PCDHA4: variants seen among roughly 807,000 people sequenced by gnomAD.
PCDHA4 encodes protocadherin alpha 4.
In PCDHA4, 49 loss-of-function variants were observed where a neutral mutation model predicts 61.4. The ratio of observed to expected loss-of-function variants is 0.80; its 90% CI spans 0.63 to 1.01. PCDHA4 has a LOEUF of 1.01. PCDHA4 is among the 50% of genes least tolerant of loss of function. The pLI is 0.00. For synonymous variants in PCDHA4, 590 were observed against 550.3 expected, an observed-to-expected ratio of 1.07 and a Z score of -1.01; for missense variants, 1,254 against 1,235.8, an observed-to-expected ratio of 1.01 and a Z score of -0.22.
Position 140,847,092 on chromosome 5 carries a change from G to T in PCDHA4, c.2385+37520G>T, listed in dbSNP as rs1176748439. ...ATGACAAGTAGAAAAGTCCACTTTG[G>T]TTAAAACACACAGTCTGCAGAGAAT... On this transcript the variant is annotated intron_variant, in intron 1 of 3. Coordinates refer to ENST00000530339, the MANE Select transcript of PCDHA4 (RefSeq NM_018907.4). 2.7e-5 allele frequency among the ~76,000 whole-genome samples: 4 copies of T among 149,688 alleles called. 1 individual carries two copies. The highest frequency in any genetic ancestry group is 4.9e-5 in the African/African-American group (2 of 40,860).
rs782098088 is a variant in PCDHA4, at chr5:140,856,583, CT to C, written c.2385+47013del. On this transcript the variant is annotated intron_variant, in intron 1 of 3. Transcript: ENST00000530339. Reference sequence around the variant, plus strand: ...ACTCAGTCCAAATGAGTATTTTGTTCTTGATATTATAAACAAAAAAGACAAA... The same window carrying C: ...ACTCAGTCCAAATGAGTATTTTGTTCTGATATTATAAACAAAAAAGACAAA... The C allele has an allele frequency of 1.3e-6, 2 of 1,597,002 alleles. 1 individual carries two copies. Among genetic ancestry groups the C allele is most frequent in the African/African-American group, 2.7e-5 (2 of 74,388 alleles).
intron 1 of PCDHA4, chr5:140,969,438 C>G: frequency 6.5e-7 from 1 of 1,546,540 alleles, no homozygotes; most frequent in African/African-American, 1.4e-5. Flanking sequence ...CAAGAGTTAT[C>G]TGGTAAACTG....
intron 1 of PCDHA4, among the ~76,000 whole-genome samples, chr5:140,944,057 G>A (rs1394005045): frequency 1.3e-5 from 2 of 152,130 alleles, no homozygotes; most frequent in African/African-American, 4.8e-5. Context: ...GATACAAAAA[G>A]GTTTCTTGTT....
At chr5:140,904,443 A>G (rs1345999576) in intron 1 of PCDHA4, among the ~76,000 whole-genome samples, 8 of 151,082 alleles carry the variant, frequency 5.3e-5, no homozygotes, top group African/African-American at 1.5e-4. Flanking sequence ...GTATATTACA[A>G]TTTCTTTATA....
At chr5:140,877,789 A>G (rs2057339151) in intron 1 of PCDHA4, 1 of 1,613,954 alleles carries the variant, frequency 6.2e-7, no homozygotes, top group Non-Finnish European at 8.5e-7. Context: ...CATGGCCTTC[A>G]GCCCAAGCCT....
chr5:140,847,204 C>G (rs916100190), intron 1 of PCDHA4, among the ~76,000 whole-genome samples: 5 of 149,612 alleles, frequency 3.3e-5, no homozygotes, highest in African/African-American at 1.2e-4. Flanking sequence ...TTTGGCCACT[C>G]TTTAGAATTA....
rs2150139188 is a variant in PCDHA4, at chr5:140,825,385, TATATATCTA to T, written c.2385+15820_2385+15828del. 711 of 143,548 alleles carry T rather than the reference TATATATCTA, an allele frequency of 5.0e-3. 7 individuals are homozygous for T. Among genetic ancestry groups the T allele is most frequent in the African/African-American group, 0.018 (686 of 38,434 alleles). The allele number at this position is 143,548 out of a possible 1,614,324, so 8.9% of individuals were successfully genotyped here. Reference sequence around the variant, plus strand: ...ATATATAAATATCTAAAATATCTAATATATATCTAATATATTATATATTTTATATAATAT... The same window carrying T: ...ATATATAAATATCTAAAATATCTAATATATATTATATATTTTATATAATAT... On this transcript the variant is annotated intron_variant, in intron 1 of 3. Coordinates refer to ENST00000530339, the MANE Select transcript of PCDHA4 (RefSeq NM_018907.4).
chr5:140,877,914 A>AT (rs2057394520), intron 1 of PCDHA4: 3 of 1,426,804 alleles, frequency 2.1e-6, no homozygotes, highest in Non-Finnish European at 2.8e-6. Flanking sequence ...ACATTCTCTC[A>AT]TTTTTCTTTA....
At chr5:140,836,148 C>T (rs1554135661) in intron 1 of PCDHA4, 1 of 1,613,646 alleles carries the variant, frequency 6.2e-7, no homozygotes, top group East Asian at 2.2e-5. Flanking sequence ...GGGCGCGGGC[C>T]ATGTGGTGGC....
In PCDHA4 at chr5:140,869,909, G is replaced by A. The variant is rs781996593; in HGVS notation, c.2385+60337G>A. ...GTGCTCAAACTAAACGCCACAGACCGAGACGAAGGAGTCAATGGAGAGGTA... is the reference window on the plus strand; with the variant it reads ...GTGCTCAAACTAAACGCCACAGACCAAGACGAAGGAGTCAATGGAGAGGTA... On this transcript the variant is annotated intron_variant, in intron 1 of 3. Transcript: ENST00000530339. 2.6e-5 allele frequency: 42 copies of A among 1,610,632 alleles called. No individual in the cohort carries two copies. Among genetic ancestry groups the A allele is most frequent in the Non-Finnish European group, 3.1e-5 (36 of 1,178,298 alleles).
intron 1 of PCDHA4, among the ~76,000 whole-genome samples, chr5:140,898,029 TG>T (rs1583292931): frequency 6.6e-6 from 1 of 152,188 alleles, no homozygotes; most frequent in East Asian, 1.9e-4. Context: ...CACTTTTTGA[TG>T]GGGTTGTTTG....
chr5:140,884,535 C>T (rs142468733), intron 1 of PCDHA4: 2 of 1,613,918 alleles, frequency 1.2e-6, no homozygotes, highest in African/African-American at 1.3e-5. Flanking sequence ...CAGAGGCGGC[C>T]GAGGGTGTGC....
Position 140,966,695 on chromosome 5 carries a change from C to T in PCDHA4, c.2386-12254C>T, listed in dbSNP as rs2096038904. ...GGGTGGCACGAGCGGAGGCGGGGCC[C>T]GGGCGTGGGGCACGGCTGGGGAAGC... is the stretch of plus-strand genomic sequence containing the variant. On this transcript the variant is annotated intron_variant, in intron 1 of 3. Coordinates refer to ENST00000530339, the MANE Select transcript of PCDHA4 (RefSeq NM_018907.4). 4 of 1,358,486 alleles carry T rather than the reference C, an allele frequency of 2.9e-6. No individual in the cohort carries two copies. In the South Asian group the frequency reaches 5.2e-5, roughly 18 times the overall value. The allele number at this position is 1,358,486 out of a possible 1,614,324, so 84.2% of individuals were successfully genotyped here. A position where few individuals can be genotyped will look rare whatever the true frequency, so the allele number is the denominator to read the frequency against.
chr5:141,004,461 A>C (rs1160733381), intron 3 of PCDHA4, among the ~76,000 whole-genome samples: 1 of 152,216 alleles, frequency 6.6e-6, no homozygotes, highest in Non-Finnish European at 1.5e-5. Context: ...CAGGAAGCTC[A>C]GTGACATGTT....
intron 1 of PCDHA4, chr5:140,834,259 ACT>A: frequency 1.0e-6 from 1 of 957,536 alleles, no homozygotes; most frequent in Non-Finnish European, 1.6e-6. Context: ...AAGACGCTCC[ACT>A]CTCTTTCACT....
chr5:140,862,236 A>G (rs2047269421), intron 1 of PCDHA4: 1 of 213,620 alleles, frequency 4.7e-6, no homozygotes, highest in African/African-American at 2.3e-5. Context: ...CTTGGACATC[A>G]ATGATAGTGT....
intron 1 of PCDHA4, chr5:140,864,420 G>A (rs1430010861): frequency 5.3e-5 from 8 of 152,158 alleles, no homozygotes; most frequent in African/African-American, 1.4e-4. Flanking sequence ...AGGCAGCTTC[G>A]TCCACAAACA....
chr5:140,824,647 TA>T (rs1316143665), intron 1 of PCDHA4: 2 of 129,788 alleles, frequency 1.5e-5, no homozygotes, highest in East Asian at 4.6e-4. Context: ...TCTGTAGAGA[TA>T]GGGGTCTTGC....
intron 1 of PCDHA4, among the ~76,000 whole-genome samples, chr5:140,965,125 C>A (rs571083058): frequency 6.6e-6 from 1 of 152,308 alleles, no homozygotes; most frequent in Non-Finnish European, 1.5e-5. Context: ...GGAAGATCTA[C>A]AGATGACAGA....
Sources: allele counts gnomAD v4.1 joint callset (sites outside exome capture counted in the v4.1 genomes callset), GRCh38; gene constraint gnomAD v4.1.1; transcripts MANE v1.5; gene names NCBI Gene and HGNC (gene_info 2026-07-23, HGNC 2026-07-21).